EYA4: variants seen among roughly 807,000 people sequenced by gnomAD.
EYA4 encodes EYA transcriptional coactivator and phosphatase 4, also known as protein phosphatase EYA4.
Under a neutral mutation model 87.9 loss-of-function variants are expected in EYA4, and 31 were observed. That is an observed-to-expected ratio of 0.35 (90% confidence interval 0.27 to 0.48). The LOEUF is 0.48. EYA4 is among the 20% of genes least tolerant of loss of function. The pLI, the probability that EYA4 is intolerant of heterozygous loss-of-function variation, is 0.99. For synonymous variants in EYA4, 263 were observed against 270.6 expected, an observed-to-expected ratio of 0.97 and a Z score of 0.28; for missense variants, 678 against 761.4, an observed-to-expected ratio of 0.89 and a Z score of 1.29.
In EYA4 at chr6:133,274,730, T is replaced by G; in HGVS notation, c.-51T>G. 1.3e-6 allele frequency: 2 copies of G among 1,536,266 alleles called. No homozygotes were observed. Among genetic ancestry groups the G allele is most frequent in the East Asian group, 2.3e-5 (1 of 44,388 alleles). ...TCTTGTTTTAGATAGTCATTTTTAC[T>G]TGAAGGAAGCTGCTTCTACTTGGGA... On this transcript the variant is annotated 5_prime_UTR_variant, in exon 2 of 20. Coordinates refer to ENST00000355286, the MANE Select transcript of EYA4 (RefSeq NM_004100.5).
intron 13 of EYA4, among the ~76,000 whole-genome samples, chr6:133,495,493 A>C (rs912334868): frequency 1.5e-4 from 13 of 84,594 alleles, no homozygotes; most frequent in Middle Eastern, 6.9e-3. Context: ...TATAGAAGAG[A>C]GAGGTAGGCA....
chr6:133,480,711 AT>A (rs1682617977), intron 11 of EYA4, among the ~76,000 whole-genome samples: 1 of 152,188 alleles, frequency 6.6e-6, no homozygotes. Flanking sequence ...AGTGATGATA[AT>A]TTTACATATC....
chr6:133,503,870 G>C (rs1404698925), intron 13 of EYA4, among the ~76,000 whole-genome samples: 1 of 151,922 alleles, frequency 6.6e-6, no homozygotes, highest in Non-Finnish European at 1.5e-5. Flanking sequence ...ACAGAGCAAG[G>C]GGCCCTTCTG....
At chr6:133,444,678 A>G (rs927162389) in intron 3 of EYA4, among the ~76,000 whole-genome samples, 15 of 152,214 alleles carry the variant, frequency 9.9e-5, no homozygotes, top group African/African-American at 3.6e-4. Context: ...GCCCTCAGAA[A>G]GAGTGTGCTC....
chr6:133,321,467 T>C (rs1409829597), intron 2 of EYA4, among the ~76,000 whole-genome samples: 2 of 152,224 alleles, frequency 1.3e-5, no homozygotes, highest in African/African-American at 4.8e-5. Flanking sequence ...AAATTTATAA[T>C]GCTTTTATCT....
intron 2 of EYA4, among the ~76,000 whole-genome samples, chr6:133,377,691 T>A (rs868034826): frequency 1.3e-5 from 2 of 151,484 alleles, no homozygotes; most frequent in African/African-American, 4.8e-5. Context: ...TTACTAGTGC[T>A]TGGTAAAAAC....
chr6:133,257,487 A>G (rs1238519118), intron 1 of EYA4, among the ~76,000 whole-genome samples: 1 of 152,216 alleles, frequency 6.6e-6, no homozygotes, highest in East Asian at 1.9e-4. Flanking sequence ...TTTCTTGAGT[A>G]AAGTATTATT....
chr6:133,356,746 AGTGTGTGTGTGTGTGTGTGTGT>A (rs58234857), intron 2 of EYA4, among the ~76,000 whole-genome samples: 113 of 136,866 alleles, frequency 8.3e-4, no homozygotes, highest in African/African-American at 2.9e-3. Flanking sequence ...AGCATTATTC[AGTGTGTGTGTGTGTGTGTGTGT>A]GTGTGTGTGT....
At chr6:133,523,490 T>C (rs1385258707) in intron 18 of EYA4, among the ~76,000 whole-genome samples, 1 of 152,206 alleles carries the variant, frequency 6.6e-6, no homozygotes, top group Non-Finnish European at 1.5e-5. Context: ...GCTTATAATG[T>C]TGCATCCTTG....
chr6:133,245,967 A>G (rs1037126871), intron 1 of EYA4, among the ~76,000 whole-genome samples: 16 of 152,244 alleles, frequency 1.1e-4, no homozygotes, highest in Middle Eastern at 6.8e-3. Flanking sequence ...TTTATTAGTA[A>G]AGAGATACTG....
At chr6:133,357,270 C>CAAAAAAAAAAAAAA (rs754202361) in intron 2 of EYA4, among the ~76,000 whole-genome samples, 1 of 65,320 alleles carries the variant, frequency 1.5e-5, no homozygotes, top group Non-Finnish European at 2.9e-5. Flanking sequence ...GACTCCGTCT[C>CAAAAAAAAAAAAAA]AAAAAAAAAA....
At chr6:133,417,377 G>A (rs1469449234) in intron 3 of EYA4, among the ~76,000 whole-genome samples, 2 of 152,162 alleles carry the variant, frequency 1.3e-5, no homozygotes, top group Non-Finnish European at 2.9e-5. Context: ...TAGTAGGTTA[G>A]GAAGGAAGAT....
chr6:133,287,055 C>G (rs986340039), intron 2 of EYA4, among the ~76,000 whole-genome samples: 1 of 151,232 alleles, frequency 6.6e-6, no homozygotes, highest in African/African-American at 2.4e-5. Flanking sequence ...GTCGGGGGGA[C>G]CACAGATCTA....
intron 2 of EYA4, among the ~76,000 whole-genome samples, chr6:133,281,362 A>C (rs1049289658): frequency 5.3e-5 from 8 of 152,172 alleles, no homozygotes; most frequent in Admixed American, 1.3e-4. Context: ...GTTGTGTATA[A>C]GAAATCTTTG....
intron 9 of EYA4, 50 bp from the exon 10 acceptor site, chr6:133,464,729 A>G: frequency 2.6e-6 from 3 of 1,133,364 alleles, no homozygotes; most frequent in Non-Finnish European, 4.0e-6. Context: ...AAATATCTTT[A>G]TCATTTTACA....
Position 133,333,597 on chromosome 6 carries a change from T to C in EYA4, c.34-48795T>C, listed in dbSNP as rs544573370. 9.8e-5 allele frequency among the ~76,000 whole-genome samples: 15 copies of C among 152,348 alleles called. No homozygotes were observed. The South Asian group carries it at 2.7e-3, about 27-fold the overall frequency. ...TCTTGAAGAAATTGAATATTTTTTCTAATTTATTCTTTAAGCATTTATTCA... is the reference window on the plus strand; with the variant it reads ...TCTTGAAGAAATTGAATATTTTTTCCAATTTATTCTTTAAGCATTTATTCA... On this transcript the variant is annotated intron_variant, in intron 2 of 19. Coordinates refer to ENST00000355286, the MANE Select transcript of EYA4 (RefSeq NM_004100.5).
chr6:133,246,896 G>A (rs1774453103), intron 1 of EYA4: 1 of 152,116 alleles, frequency 6.6e-6, no homozygotes, highest in South Asian at 2.1e-4. Context: ...ATGCAGCACA[G>A]TGGAGCCAGG....
At chr6:133,359,177 G>T (rs1784287008) in intron 2 of EYA4, among the ~76,000 whole-genome samples, 1 of 152,170 alleles carries the variant, frequency 6.6e-6, no homozygotes, top group Non-Finnish European at 1.5e-5. Context: ...AGATGCAGAA[G>T]ACTTTTTTTG....
chr6:133,510,585 GT>G, intron 14 of EYA4: 1 of 253,996 alleles, frequency 3.9e-6, no homozygotes, highest in Non-Finnish European at 7.9e-6. Flanking sequence ...TTTACTGGAT[GT>G]TTTTCAGGAA....
Sources: gnomAD v4.1 joint callset for allele counts (sites outside exome capture counted in the v4.1 genomes callset) on GRCh38, gnomAD v4.1.1 for gene constraint, MANE v1.5 for transcripts, NCBI Gene and HGNC (gene_info 2026-07-23, HGNC 2026-07-21) for gene names.